SHISA9: variants seen among roughly 807,000 people sequenced by gnomAD.
The protein encoded by SHISA9 is shisa family member 9, also known as protein shisa-9.
In SHISA9, 13 loss-of-function variants were observed where a neutral mutation model predicts 38.0. The observed-to-expected ratio is 0.34, with a 90% CI of 0.22 to 0.54. The LOEUF is 0.54. Among genes scored for constraint, SHISA9 ranks in the 20% least tolerant of loss-of-function variants. The pLI, the probability that SHISA9 is intolerant of heterozygous loss-of-function variation, is 0.91. For missense variants in SHISA9, 538 were observed against 575.8 expected (o/e 0.93, Z 0.67); for synonymous variants, 275 against 242.0 (o/e 1.14, Z -1.27).
At chr16:13,220,310 G>A (rs1461555740) in intron 4 of SHISA9, among the ~76,000 whole-genome samples, 2 of 152,128 alleles carry the variant, frequency 1.3e-5, no homozygotes, top group African/African-American at 4.8e-5. Context: ...CTCAAATAAG[G>A]CAGCCCAGAT....
At chr16:13,122,025 T>C (rs749248965) in intron 2 of SHISA9, among the ~76,000 whole-genome samples, 1 of 152,208 alleles carries the variant, frequency 6.6e-6, no homozygotes, top group South Asian at 2.1e-4. Flanking sequence ...GCCCAGCACA[T>C]TGGAAACTCT....
chr16:12,987,127 C>T (rs571398070), intron 2 of SHISA9, among the ~76,000 whole-genome samples: 22 of 152,240 alleles, frequency 1.4e-4, no homozygotes, highest in Non-Finnish European at 2.4e-4. Flanking sequence ...TTGTGTTGAG[C>T]CCTGGAACAC....
chr16:13,191,812 C>T (rs993567084), intron 2 of SHISA9, among the ~76,000 whole-genome samples: 5 of 152,246 alleles, frequency 3.3e-5, no homozygotes, highest in African/African-American at 9.6e-5. Context: ...CCAGTGTGGC[C>T]TCATGGGCTA....
chr16:12,953,888 G>T (rs1022536359), intron 2 of SHISA9, among the ~76,000 whole-genome samples: 1 of 152,194 alleles, frequency 6.6e-6, no homozygotes, highest in South Asian at 2.1e-4. Context: ...GAGCTAGGAA[G>T]TGCCACACTT....
At chr16:13,083,298 A>T (rs1484930200) in intron 2 of SHISA9, among the ~76,000 whole-genome samples, 1 of 152,212 alleles carries the variant, frequency 6.6e-6, no homozygotes, top group Non-Finnish European at 1.5e-5. Flanking sequence ...TCATGGTCTC[A>T]TGCGTCATCT....
intron 2 of SHISA9, among the ~76,000 whole-genome samples, chr16:13,121,890 G>A (rs1331823076): frequency 2.2e-5 from 3 of 137,456 alleles, no homozygotes; most frequent in Non-Finnish European, 4.7e-5. Context: ...CACAGAACAG[G>A]CCTACATAAC....
At chr16:13,481,167 T>C in the SHISA9 span, among the ~76,000 whole-genome samples, 3 of 152,216 alleles carry the variant, frequency 2.0e-5, no homozygotes, top group African/African-American at 7.2e-5. Context: ...AAGCTTGTCT[T>C]TGCGAACCTC....
intron 2 of SHISA9, among the ~76,000 whole-genome samples, chr16:13,113,844 G>C (rs1454321868): frequency 6.6e-6 from 1 of 152,210 alleles, no homozygotes; most frequent in African/African-American, 2.4e-5. Flanking sequence ...TAATCGTCAA[G>C]AGGAATTATC....
chr16:13,140,492 T>TG (rs1274061357), intron 2 of SHISA9, among the ~76,000 whole-genome samples: 1 of 152,070 alleles, frequency 6.6e-6, no homozygotes, highest in African/African-American at 2.4e-5. Flanking sequence ...TACTCCTTTC[T>TG]GGGGGTACCT....
the SHISA9 span, among the ~76,000 whole-genome samples, chr16:13,431,099 T>C: frequency 6.6e-6 from 1 of 152,124 alleles, no homozygotes; most frequent in Non-Finnish European, 1.5e-5. Flanking sequence ...AAGACCCATC[T>C]CAGATTACCC....
chr16:13,461,757 G>T, the SHISA9 span, among the ~76,000 whole-genome samples: 1 of 151,164 alleles, frequency 6.6e-6, no homozygotes, highest in African/African-American at 2.4e-5. Context: ...GGGACCACAG[G>T]CGCCCGCCAC....
chr16:13,471,693 T>A, the SHISA9 span, among the ~76,000 whole-genome samples: 1 of 151,418 alleles, frequency 6.6e-6, no homozygotes, highest in Non-Finnish European at 1.5e-5. Context: ...GAGCAAGAAA[T>A]CAGCTTTTAT....
rs184870887 is a variant in SHISA9 at position 13,202,643 on chromosome 16, A to T, written c.692-751A>T. Among the ~76,000 whole-genome samples, 253 of 152,158 alleles carry T rather than the reference A, an allele frequency of 1.7e-3. 43 individuals are homozygous for T. The highest frequency in any genetic ancestry group is 5.8e-3 in the African/African-American group (239 of 41,452). ...TCCTTCATTTTTTCTAACACCTGAAAGATATTCCATCATATGTGTACATAC... is the reference window on the plus strand; with the variant it reads ...TCCTTCATTTTTTCTAACACCTGAATGATATTCCATCATATGTGTACATAC... On this transcript the variant is annotated intron_variant, in intron 2 of 4. Transcript: ENST00000558583.
At position 12,961,456 on chromosome 16, in the gene SHISA9, G is replaced by A. The variant is rs77743163; in HGVS notation, c.691+44641G>A. ...GCCACTTGAGGCCAGAAGTGGAGGC[G>A]GTTCCATCAACACGGAGTGGATTAA... On this transcript the variant is annotated intron_variant, in intron 2 of 4. Coordinates refer to ENST00000558583, the MANE Select transcript of SHISA9 (RefSeq NM_001145204.3). 2.6e-3 allele frequency among the ~76,000 whole-genome samples: 401 copies of A among 152,222 alleles called. 2 individuals are homozygous for A. Among genetic ancestry groups the A allele is most frequent in the African/African-American group, 8.6e-3 (358 of 41,516 alleles).
At chr16:13,469,231 G>A in the SHISA9 span, among the ~76,000 whole-genome samples, 8 of 148,874 alleles carry the variant, frequency 5.4e-5, no homozygotes, top group South Asian at 2.1e-4. Flanking sequence ...AACAGAGCAA[G>A]ACTCTGCCAA....
At chr16:13,255,575 T>C in the SHISA9 span, among the ~76,000 whole-genome samples, 1 of 152,246 alleles carries the variant, frequency 6.6e-6, no homozygotes, top group East Asian at 1.9e-4. Flanking sequence ...ATCTGGCTGA[T>C]TCCAAAGCTT....
At chr16:13,170,202 C>CAAAAAA (rs71147788) in intron 2 of SHISA9, among the ~76,000 whole-genome samples, 4 of 91,960 alleles carry the variant, frequency 4.3e-5, no homozygotes, top group African/African-American at 8.9e-5. Flanking sequence ...GACTCCATCT[C>CAAAAAA]AAAAAAAAAA....
chr16:13,302,877 G>A, the SHISA9 span, among the ~76,000 whole-genome samples: 4 of 152,072 alleles, frequency 2.6e-5, no homozygotes, highest in African/African-American at 4.8e-5. Context: ...GAGTTCTGAC[G>A]AGATCTGATG....
chr16:13,047,467 A>C (rs991789497), intron 2 of SHISA9, among the ~76,000 whole-genome samples: 1 of 152,158 alleles, frequency 6.6e-6, no homozygotes, highest in African/African-American at 2.4e-5. Flanking sequence ...TTTCTTAGGC[A>C]ATGGAAAGAA....
Sources: allele counts gnomAD v4.1 joint callset (sites outside exome capture counted in the v4.1 genomes callset), GRCh38; gene constraint gnomAD v4.1.1; transcripts MANE v1.5; gene names NCBI Gene and HGNC (gene_info 2026-07-23, HGNC 2026-07-21).